PRMT3: variants seen among roughly 807,000 people sequenced by gnomAD.
The protein encoded by PRMT3 is protein arginine N-methyltransferase 3.
PRMT3 carries 62 observed loss-of-function variants against 71.9 expected under a neutral mutation model. The ratio of observed to expected loss-of-function variants is 0.86; its 90% CI spans 0.70 to 1.07. The LOEUF (loss-of-function observed/expected upper bound fraction) is 1.07, where lower values mean the gene tolerates loss of function less well. PRMT3 is among the 50% of genes least tolerant of loss of function. The pLI is 0.00. For missense variants in PRMT3, 663 were observed against 643.0 expected, an observed-to-expected ratio of 1.03 and a Z score of -0.34; for synonymous variants, 213 against 220.4, an observed-to-expected ratio of 0.97 and a Z score of 0.30.
intron 9 of PRMT3, among the ~76,000 whole-genome samples, chr11:20,409,214 A>C (rs1849139132): frequency 6.6e-6 from 1 of 152,212 alleles, no homozygotes; most frequent in African/African-American, 2.4e-5. Flanking sequence ...CTAGAAGGAT[A>C]GTGTTGTGGT....
At chr11:20,404,232 T>TGTTTTG (rs750981916) in intron 8 of PRMT3, among the ~76,000 whole-genome samples, 2 of 112,132 alleles carry the variant, frequency 1.8e-5, no homozygotes, top group Non-Finnish European at 3.7e-5. Context: ...TTTTTTTTTT[T>TGTTTTG]TTTTTTTTTT....
At chr11:20,442,603 A>G (rs1849933772) in intron 10 of PRMT3, among the ~76,000 whole-genome samples, 1 of 152,136 alleles carries the variant, frequency 6.6e-6, no homozygotes, top group South Asian at 2.1e-4. Context: ...TCACTTCATT[A>G]TTCTATAGAG....
At chr11:20,399,754 C>A (rs1160034120) in intron 7 of PRMT3, among the ~76,000 whole-genome samples, 1 of 152,190 alleles carries the variant, frequency 6.6e-6, no homozygotes, top group East Asian at 1.9e-4. Flanking sequence ...ATTTACAAAT[C>A]TTTATCCTGG....
rs1308228360 is a variant in PRMT3, at chr11:20,503,609, A to G, written c.1487-4695A>G. Among the ~76,000 whole-genome samples the G allele has an allele frequency of 4.0e-5, 6 of 151,242 alleles. No homozygotes were observed. The East Asian group carries it at 1.2e-3, about 30-fold the overall frequency. The stretch of plus-strand genomic sequence containing the variant: ...ATTTTTATCAATGGAATTATACAGC[A>G]TGTACTCTAGCTTTCTTGGCATTTT... On this transcript the variant is annotated intron_variant, in intron 15 of 15. Transcript: ENST00000331079.
intron 9 of PRMT3, among the ~76,000 whole-genome samples, chr11:20,426,552 T>C (rs1363584673): frequency 6.6e-6 from 1 of 152,224 alleles, no homozygotes; most frequent in Non-Finnish European, 1.5e-5. Flanking sequence ...AGATTTTAAA[T>C]ATTGGTTCAC....
chr11:20,408,297 A>G (rs140970113), intron 9 of PRMT3, among the ~76,000 whole-genome samples: 21 of 152,162 alleles, frequency 1.4e-4, no homozygotes, highest in African/African-American at 4.3e-4. Context: ...AAATATGCCA[A>G]TTCTAATAAT....
chr11:20,491,735 A>C (rs1431540411), intron 13 of PRMT3, among the ~76,000 whole-genome samples: 1 of 152,060 alleles, frequency 6.6e-6, no homozygotes, highest in Non-Finnish European at 1.5e-5. Flanking sequence ...TGCAGCAGTG[A>C]TTCAAATTTT....
At chr11:20,460,006 A>G (rs1284469492) in intron 11 of PRMT3, among the ~76,000 whole-genome samples, 3 of 152,186 alleles carry the variant, frequency 2.0e-5, no homozygotes, top group Non-Finnish European at 4.4e-5. Flanking sequence ...GGAAGACTTG[A>G]GAAACTTCTT....
intron 13 of PRMT3, among the ~76,000 whole-genome samples, chr11:20,490,498 T>C (rs1851181100): frequency 6.6e-6 from 1 of 151,624 alleles, no homozygotes; most frequent in Admixed American, 6.6e-5. Flanking sequence ...CATGTGTGGC[T>C]GGACGTGGTG....
At chr11:20,406,594 T>G (rs1228632666) in intron 8 of PRMT3, 1 of 152,252 alleles carries the variant, frequency 6.6e-6, no homozygotes, top group Non-Finnish European at 1.5e-5. Flanking sequence ...TTGTGAATAT[T>G]GCTGCTATTA....
chr11:20,432,073 C>G (rs1447853356), intron 10 of PRMT3, among the ~76,000 whole-genome samples: 1 of 151,986 alleles, frequency 6.6e-6, no homozygotes, highest in African/African-American at 2.4e-5. Context: ...GTCTTATAAT[C>G]TATATTTTTG....
chr11:20,477,298 G>T (rs188900795), intron 13 of PRMT3, among the ~76,000 whole-genome samples: 2 of 152,246 alleles, frequency 1.3e-5, no homozygotes, highest in East Asian at 3.9e-4. Flanking sequence ...AGTCTTGGCC[G>T]GGTGTAGCAG....
At chr11:20,446,686 T>A (rs1278496851) in intron 10 of PRMT3, among the ~76,000 whole-genome samples, 1 of 152,186 alleles carries the variant, frequency 6.6e-6, no homozygotes, top group Non-Finnish European at 1.5e-5. Flanking sequence ...TGCCTATCCT[T>A]TAATCCAAGA....
chr11:20,444,933 G>A (rs1344060156), intron 10 of PRMT3, among the ~76,000 whole-genome samples: 1 of 151,982 alleles, frequency 6.6e-6, no homozygotes, highest in East Asian at 1.9e-4. Context: ...ATACACATTA[G>A]GTTATTATGT....
chr11:20,480,181 A>G (rs1451397974), intron 13 of PRMT3, among the ~76,000 whole-genome samples: 2 of 152,166 alleles, frequency 1.3e-5, no homozygotes, highest in Non-Finnish European at 2.9e-5. Context: ...AAAGGAGCAT[A>G]AAAGAAGTCT....
intron 9 of PRMT3, among the ~76,000 whole-genome samples, chr11:20,419,451 G>A (rs1349052999): frequency 6.6e-6 from 1 of 152,144 alleles, no homozygotes; most frequent in Non-Finnish European, 1.5e-5. Context: ...ATTCGTGTTT[G>A]CCTTTTCACC....
At chr11:20,502,054 C>A (rs1224364923) in intron 15 of PRMT3, among the ~76,000 whole-genome samples, 3 of 152,052 alleles carry the variant, frequency 2.0e-5, no homozygotes, top group African/African-American at 7.2e-5. Context: ...CTAAAAAATA[C>A]ACTGTAACAA....
intron 9 of PRMT3, among the ~76,000 whole-genome samples, chr11:20,409,642 T>C (rs1344710093): frequency 9.0e-6 from 1 of 111,422 alleles, no homozygotes; most frequent in Non-Finnish European, 1.9e-5. Flanking sequence ...GATTTTTGTA[T>C]TGGAATACAC....
chr11:20,393,571 G>A (rs1399920092), intron 5 of PRMT3, among the ~76,000 whole-genome samples: 1 of 152,148 alleles, frequency 6.6e-6, no homozygotes, highest in Non-Finnish European at 1.5e-5. Context: ...GAAGTATCCA[G>A]GTGATTTGAA....
Sources: gnomAD v4.1 joint callset for allele counts (sites outside exome capture counted in the v4.1 genomes callset) on GRCh38, gnomAD v4.1.1 for gene constraint, MANE v1.5 for transcripts, NCBI Gene and HGNC (gene_info 2026-07-23, HGNC 2026-07-21) for gene names.